The following RPS6KC1 variants were observed in gnomAD, a reference collection of about 807,000 sequenced individuals.
The protein encoded by RPS6KC1 is inactive ribosomal protein S6 kinase delta-1.
RPS6KC1 carries 54 observed loss-of-function variants against 103.8 expected under a neutral mutation model. The observed-to-expected ratio is 0.52, with a 90% CI of 0.42 to 0.65. The LOEUF (loss-of-function observed/expected upper bound fraction) is 0.65, where lower values mean the gene tolerates loss of function less well. Among genes scored for constraint, RPS6KC1 ranks in the 30% least tolerant of loss-of-function variants. The pLI, the probability that RPS6KC1 is intolerant of heterozygous loss-of-function variation, is 0.00. For synonymous variants in RPS6KC1, 439 were observed against 438.7 expected, an observed-to-expected ratio of 1.00 and a Z score of -0.01; for missense variants, 1,151 against 1,253.8, an observed-to-expected ratio of 0.92 and a Z score of 1.24.
At chr1:213,602,525 G>A in the RPS6KC1 span, among the ~76,000 whole-genome samples, 38 of 152,016 alleles carry the variant, frequency 2.5e-4, no homozygotes, top group African/African-American at 7.2e-4. Context: ...GAGCCATTGC[G>A]CCCGGCCTGG....
the RPS6KC1 span, among the ~76,000 whole-genome samples, chr1:213,310,947 C>T: frequency 6.6e-5 from 10 of 152,034 alleles, no homozygotes; most frequent in South Asian, 2.1e-4. Context: ...AAGCCTCACA[C>T]GGGGAACCAG....
Position 213,179,406 on chromosome 1 carries a change from C to T in RPS6KC1, c.1044+2914C>T, listed in dbSNP as rs2092113901. Reference sequence around the variant, plus strand: ...TTCCAGCCTGGGCAACAGAGCCAGACCCTGTCTCAAAAAAAAGAGGAAAAA... The same window carrying T: ...TTCCAGCCTGGGCAACAGAGCCAGATCCTGTCTCAAAAAAAAGAGGAAAAA... On this transcript the variant is annotated intron_variant, in intron 8 of 14. Coordinates refer to ENST00000366960, the MANE Select transcript of RPS6KC1 (RefSeq NM_012424.6). Among the ~76,000 whole-genome samples, 3 of 150,854 alleles carry T rather than the reference C, an allele frequency of 2.0e-5. No individual in the cohort carries two copies. In the South Asian group the frequency reaches 6.3e-4, roughly 32 times the overall value.
chr1:213,504,896 T>C, the RPS6KC1 span, among the ~76,000 whole-genome samples: 5 of 152,296 alleles, frequency 3.3e-5, no homozygotes, highest in Admixed American at 1.3e-4. Flanking sequence ...TTTCCCATTG[T>C]AACTTGTCTG....
chr1:213,671,658 C>A, the RPS6KC1 span, among the ~76,000 whole-genome samples: 1 of 152,130 alleles, frequency 6.6e-6, no homozygotes, highest in South Asian at 2.1e-4. Context: ...GTGGCGCATG[C>A]CTGTAATCCC....
the RPS6KC1 span, among the ~76,000 whole-genome samples, chr1:213,394,973 G>A: frequency 2.5e-3 from 388 of 152,328 alleles, 6 homozygotes; most frequent in African/African-American, 8.7e-3. Context: ...GAGGGCTGGC[G>A]TGGGCTTCTA....
At chr1:213,805,768 T>C in the RPS6KC1 span, among the ~76,000 whole-genome samples, 3 of 152,218 alleles carry the variant, frequency 2.0e-5, no homozygotes, top group African/African-American at 7.2e-5. Context: ...TCCAGAAGGA[T>C]TTTAATTGAC....
At chr1:213,531,715 T>C in the RPS6KC1 span, among the ~76,000 whole-genome samples, 1 of 152,228 alleles carries the variant, frequency 6.6e-6, no homozygotes, top group Non-Finnish European at 1.5e-5. Context: ...AGAAGTTTCC[T>C]AAACTCAGCA....
the RPS6KC1 span, among the ~76,000 whole-genome samples, chr1:213,558,422 A>C: frequency 6.6e-6 from 1 of 152,140 alleles, no homozygotes; most frequent in African/African-American, 2.4e-5. Context: ...TGCTGCCAGC[A>C]CCTGATTATC....
intron 5 of RPS6KC1, chr1:213,125,884 A>C (rs1047131136): frequency 1.3e-5 from 2 of 152,096 alleles, no homozygotes; most frequent in Non-Finnish European, 2.9e-5. Flanking sequence ...TTTTGTGGTC[A>C]AAAGCCAAGA....
the RPS6KC1 span, among the ~76,000 whole-genome samples, chr1:213,309,792 CT>C: frequency 6.6e-6 from 1 of 151,990 alleles, no homozygotes; most frequent in Non-Finnish European, 1.5e-5. Context: ...TCAAGCGATT[CT>C]CCCACCTCAG....
the RPS6KC1 span, among the ~76,000 whole-genome samples, chr1:213,683,338 T>C: frequency 1.3e-5 from 2 of 152,194 alleles, no homozygotes; most frequent in Admixed American, 1.3e-4. Flanking sequence ...GAAAATGTCC[T>C]TGTCAAAATG....
At chr1:213,276,706 C>T (rs911651633), downstream of RPS6KC1, among the ~76,000 whole-genome samples, 1 of 152,180 alleles carries the variant, frequency 6.6e-6, no homozygotes, top group African/African-American at 2.4e-5. Flanking sequence ...TGCTGCCGTA[C>T]ATCTGCTCAG....
At chr1:213,417,023 C>T in the RPS6KC1 span, among the ~76,000 whole-genome samples, 20 of 152,146 alleles carry the variant, frequency 1.3e-4, no homozygotes, top group Non-Finnish European at 2.4e-4. Context: ...AAGTGCTCCC[C>T]GGGGTCTGTT....
the RPS6KC1 span, among the ~76,000 whole-genome samples, chr1:213,330,212 G>T: frequency 6.6e-6 from 1 of 152,196 alleles, no homozygotes; most frequent in African/African-American, 2.4e-5. Flanking sequence ...TGGGATTTTA[G>T]TTCCAAAATG....
the RPS6KC1 span, among the ~76,000 whole-genome samples, chr1:213,311,232 G>A: frequency 3.3e-5 from 5 of 151,332 alleles, no homozygotes; most frequent in East Asian, 1.9e-4. Context: ...TCCGCCTTCC[G>A]GGTTCACGCC....
chr1:213,460,325 T>A, the RPS6KC1 span, among the ~76,000 whole-genome samples: 1 of 152,132 alleles, frequency 6.6e-6, no homozygotes, highest in Non-Finnish European at 1.5e-5. Flanking sequence ...CCTTTACCAT[T>A]ATGTAATGCC....
At chr1:213,413,505 G>C in the RPS6KC1 span, among the ~76,000 whole-genome samples, 1 of 152,206 alleles carries the variant, frequency 6.6e-6, no homozygotes, top group Admixed American at 6.5e-5. Flanking sequence ...TATGAAGGCT[G>C]TGCTAGATTT....
chr1:213,667,894 A>G, the RPS6KC1 span, among the ~76,000 whole-genome samples: 1 of 152,366 alleles, frequency 6.6e-6, no homozygotes, highest in African/African-American at 2.4e-5. Flanking sequence ...CATCCATAGG[A>G]AGCAATTTTT....
the RPS6KC1 span, among the ~76,000 whole-genome samples, chr1:213,308,034 G>C: frequency 6.6e-6 from 1 of 152,076 alleles, no homozygotes; most frequent in Non-Finnish European, 1.5e-5. Context: ...AGAAGAGGCT[G>C]GGCATGGTGG....
Sources: allele counts gnomAD v4.1 joint callset (sites outside exome capture counted in the v4.1 genomes callset), GRCh38; gene constraint gnomAD v4.1.1; transcripts MANE v1.5; gene names NCBI Gene and HGNC (gene_info 2026-07-23, HGNC 2026-07-21).